The following CCDC171 variants were observed in gnomAD, a reference collection of about 807,000 sequenced individuals.
CCDC171 encodes the protein coiled-coil domain-containing protein 171.
CCDC171 carries 177 observed loss-of-function variants against 168.2 expected under a neutral mutation model. The ratio of observed to expected loss-of-function variants is 1.05; its 90% CI spans 0.93 to 1.19. The LOEUF (loss-of-function observed/expected upper bound fraction) is 1.19, where lower values mean the gene tolerates loss of function less well. CCDC171 is among the 50% of genes most tolerant of loss of function. The pLI is 0.00. For synonymous variants in CCDC171, 687 were observed against 540.8 expected (o/e 1.27, Z -3.75); for missense variants, 1,991 against 1,539.0 (o/e 1.29, Z -4.91).
At chr9:15,623,904 C>T (rs1244428682) in intron 7 of CCDC171, among the ~76,000 whole-genome samples, 6 of 152,096 alleles carry the variant, frequency 3.9e-5, no homozygotes, top group South Asian at 2.1e-4. Context: ...GATTTTTATT[C>T]GTGAATGATA....
At chr9:15,788,151 G>C (rs1257037951) in intron 21 of CCDC171, among the ~76,000 whole-genome samples, 1 of 152,168 alleles carries the variant, frequency 6.6e-6, no homozygotes, top group East Asian at 1.9e-4. Flanking sequence ...CTCTCTTGTG[G>C]GAGGCAACAT....
At chr9:15,633,588 A>T (rs1403612637) in intron 7 of CCDC171, among the ~76,000 whole-genome samples, 2 of 152,222 alleles carry the variant, frequency 1.3e-5, no homozygotes, top group Admixed American at 1.3e-4. Context: ...ACTGTAAACT[A>T]GTTCAACCCT....
In CCDC171 at chr9:15,973,556, A is replaced by T. The variant is rs1229433199; in HGVS notation, c.*1720A>T. On this transcript the variant is annotated 3_prime_UTR_variant, in exon 26 of 26. Transcript: ENST00000380701. ...ATAAAACTTTAGAAAGCTTATATGG[A>T]GTAAAATTATATCTTTAACCAAATT... 6.6e-6 allele frequency: 1 copy of T among 152,164 alleles called. No homozygotes were observed. The highest frequency in any genetic ancestry group is 1.5e-5 in the Non-Finnish European group (1 of 68,014). The allele number at this position is 152,164 out of a possible 1,614,324, so 9.4% of individuals were successfully genotyped here. A position where few individuals can be genotyped will look rare whatever the true frequency, so the allele number is the denominator to read the frequency against.
At chr9:15,880,012 C>A (rs1247574168) in intron 24 of CCDC171, among the ~76,000 whole-genome samples, 1 of 151,892 alleles carries the variant, frequency 6.6e-6, no homozygotes, top group Non-Finnish European at 1.5e-5. Context: ...AAGTTTTTTC[C>A]TCTTTTTATA....
intron 25 of CCDC171, among the ~76,000 whole-genome samples, chr9:15,923,144 T>C (rs1228992365): frequency 6.6e-6 from 1 of 151,410 alleles, no homozygotes; most frequent in Non-Finnish European, 1.5e-5. Context: ...CCAAGAACAA[T>C]GGCATGGAGT....
chr9:15,931,452 CTTTCTTTTTTT>C (rs1404887453), intron 25 of CCDC171, among the ~76,000 whole-genome samples: 866 of 75,894 alleles, frequency 0.011, 10 homozygotes, highest in African/African-American at 0.036. Context: ...TTCTTTCTTT[CTTTCTTTTTTT>C]TTTTTTTTTT....
At chr9:16,081,452 T>C in the CCDC171 span, among the ~76,000 whole-genome samples, 3 of 152,114 alleles carry the variant, frequency 2.0e-5, no homozygotes, top group African/African-American at 7.2e-5. Context: ...TTTTGTTCTA[T>C]GGTTGGGAGA....
downstream of CCDC171, among the ~76,000 whole-genome samples, chr9:16,064,660 G>T (rs1833972629): frequency 6.6e-6 from 1 of 152,128 alleles, no homozygotes; most frequent in African/African-American, 2.4e-5. Context: ...AACTGGCAAA[G>T]AATTTCCTGG....
the CCDC171 span, among the ~76,000 whole-genome samples, chr9:16,100,613 A>G: frequency 1.3e-5 from 2 of 152,244 alleles, no homozygotes; most frequent in African/African-American, 2.4e-5. Flanking sequence ...ACTGGAAAGA[A>G]TAACCCATCT....
intron 23 of CCDC171, among the ~76,000 whole-genome samples, chr9:15,856,381 G>A (rs980623341): frequency 2.0e-5 from 3 of 151,708 alleles, no homozygotes; most frequent in African/African-American, 2.4e-5. Flanking sequence ...TCTACTCTCC[G>A]TTTCCATGAG....
chr9:15,791,919 C>G (rs1469951643), intron 21 of CCDC171, among the ~76,000 whole-genome samples: 1 of 152,186 alleles, frequency 6.6e-6, no homozygotes, highest in African/African-American at 2.4e-5. Context: ...CAGAGCACCT[C>G]TCCCCCTCCA....
chr9:16,017,041 G>A (rs1323255838), intron 3 of CCDC171, among the ~76,000 whole-genome samples: 6 of 152,072 alleles, frequency 3.9e-5, no homozygotes, highest in African/African-American at 1.4e-4. Flanking sequence ...TGGATGTTGG[G>A]GCAGGGAATG....
chr9:15,630,375 C>G, intron 7 of CCDC171, among the ~76,000 whole-genome samples: 1 of 152,092 alleles, frequency 6.6e-6, no homozygotes, highest in Non-Finnish European at 1.5e-5. Context: ...GGGTTGCAAT[C>G]CTAGTCTCTG....
intron 21 of CCDC171, among the ~76,000 whole-genome samples, chr9:15,823,966 A>T (rs1252766341): frequency 6.6e-6 from 1 of 152,110 alleles, no homozygotes. Flanking sequence ...TTCTTGTCAT[A>T]TGTTGCCCAC....
At chr9:15,830,539 A>G (rs539692474) in intron 21 of CCDC171, among the ~76,000 whole-genome samples, 64 of 152,348 alleles carry the variant, frequency 4.2e-4, no homozygotes, top group Middle Eastern at 3.4e-3. Flanking sequence ...CCCTAATAAT[A>G]GGAAGTTCAG....
intron 2 of CCDC171, among the ~76,000 whole-genome samples, chr9:15,566,790 A>G (rs1030103879): frequency 3.3e-5 from 5 of 152,152 alleles, no homozygotes; most frequent in African/African-American, 1.2e-4. Context: ...GTTTTCTTCT[A>G]GAAGTTTTAT....
intron 11 of CCDC171, among the ~76,000 whole-genome samples, chr9:15,721,528 A>G (rs2053474628): frequency 6.6e-6 from 1 of 150,534 alleles, no homozygotes; most frequent in African/African-American, 2.4e-5. Flanking sequence ...ATATATTATG[A>G]ACTTTAATTT....
At chr9:16,043,170 A>G (rs1216125422) in intron 1 of CCDC171, among the ~76,000 whole-genome samples, 1 of 152,206 alleles carries the variant, frequency 6.6e-6, no homozygotes, top group Non-Finnish European at 1.5e-5. Context: ...TGGGTTCTAT[A>G]TAATTGTTCA....
At chr9:15,702,967 G>C (rs555763331) in intron 11 of CCDC171, among the ~76,000 whole-genome samples, 1 of 150,786 alleles carries the variant, frequency 6.6e-6, no homozygotes, top group East Asian at 2.0e-4. Context: ...GCAGTGGCGC[G>C]ATCTCTGCTC....
Sources: gnomAD v4.1 joint callset for allele counts (sites outside exome capture counted in the v4.1 genomes callset) on GRCh38, gnomAD v4.1.1 for gene constraint, MANE v1.5 for transcripts, NCBI Gene and HGNC (gene_info 2026-07-23, HGNC 2026-07-21) for gene names.